PDE1B: variants seen among roughly 807,000 people sequenced by gnomAD.
PDE1B encodes dual specificity calcium/calmodulin-dependent 3',5'-cyclic nucleotide phosphodiesterase 1B.
PDE1B carries 13 observed loss-of-function variants against 66.7 expected under a neutral mutation model. The observed-to-expected ratio is 0.19, with a 90% CI of 0.13 to 0.31. The LOEUF (loss-of-function observed/expected upper bound fraction) is 0.31. Among genes scored for constraint, PDE1B ranks in the 10% least tolerant of loss-of-function variants. The pLI, the probability that PDE1B is intolerant of heterozygous loss-of-function variation, is 1.00. For synonymous variants in PDE1B, 230 were observed against 253.9 expected (o/e 0.91, Z 0.90); for missense variants, 485 against 682.3 (o/e 0.71, Z 3.22).
At chr12:54,564,036 T>C (rs186763446) in intron 2 of PDE1B, among the ~76,000 whole-genome samples, 9 of 152,146 alleles carry the variant, frequency 5.9e-5, no homozygotes, top group African/African-American at 2.2e-4. Context: ...CCAAACATGA[T>C]CCAGACACCA....
At position 54,573,056 on chromosome 12, in the gene PDE1B, ATGGGATGAGTGATCTAGCCTGTG is replaced by A; in HGVS notation, c.736-89_736-67del. ...GAGCTGGCCTGGAAGCATGGAAGGG[ATGGGATGAGTGATCTAGCCTGTG>A]TGTGGAGGTTCCTGGGAAGTGACCA... On this transcript the variant is annotated intron_variant, in intron 7 of 15. Coordinates refer to ENST00000243052, the MANE Select transcript of PDE1B (RefSeq NM_000924.4). This position sits in a 1 kb window ranked among gnomAD's most constrained non-coding sequence, Gnocchi z 5.2. The A allele has an allele frequency of 2.1e-6, 2 of 939,372 alleles. No individual in the cohort carries two copies. The highest frequency in any genetic ancestry group is 3.5e-5 in the Admixed American group (2 of 56,382). The allele number at this position is 939,372 out of a possible 1,614,324, so 58.2% of individuals were successfully genotyped here. A position where few individuals can be genotyped will look rare whatever the true frequency, so the allele number is the denominator to read the frequency against.
At position 54,575,800 on chromosome 12, in the gene PDE1B, G is replaced by A; in HGVS notation, c.1267+168G>A. 1.4e-6 allele frequency: 1 copy of A among 710,232 alleles called. No individual in the cohort carries two copies. Among genetic ancestry groups the A allele is most frequent in the Non-Finnish European group, 2.5e-6 (1 of 402,356 alleles). 44.0% of individuals were successfully genotyped at this position (710,232 alleles called of 1,614,324 possible). On this transcript the variant is annotated intron_variant, in intron 12 of 15. Transcript: ENST00000243052. The surrounding 1 kb of genome is among the most constrained non-coding windows in gnomAD (Gnocchi z 4.0). The stretch of plus-strand genomic sequence containing the variant: ...GTTAGGAGGCCAGGGGGCTGCAATG[G>A]CAGGAAGGAGCTCTCTGGGGCACCA...
chr12:54,567,341 A>C (rs1443784618), intron 3 of PDE1B, among the ~76,000 whole-genome samples: 2 of 118,100 alleles, frequency 1.7e-5, no homozygotes, highest in Non-Finnish European at 3.4e-5. Flanking sequence ...CTGTCTCTAC[A>C]AAAAAAAAAA....
chr12:54,574,965 A>T, intron 10 of PDE1B, 133 bp from the exon 11 acceptor site: 1 of 697,212 alleles, frequency 1.4e-6, no homozygotes, highest in Non-Finnish European at 2.3e-6. Flanking sequence ...ACAGAGTGAG[A>T]CCCTGTCTCA....
In PDE1B at chr12:54,561,567, C is replaced by G. The variant is rs1218363078; in HGVS notation, c.114-5407C>G. 22 of 1,516,544 alleles carry G rather than the reference C, an allele frequency of 1.5e-5. No homozygotes were observed. In the South Asian group the frequency reaches 2.6e-4, roughly 18 times the overall value. 93.9% of individuals were successfully genotyped at this position (1,516,544 alleles called of 1,614,324 possible). On this transcript the variant is annotated intron_variant, in intron 2 of 15. Transcript: ENST00000243052. ...GGGTCAGGATTTTGATACTCTGAAG[C>G]AGGAAACTTTGATTCCCATGGCAAA...
Position 54,569,324 on chromosome 12 carries a change from G to A in PDE1B, c.368G>A (p.Arg123Gln). 1 of 1,613,596 alleles carries A rather than the reference G, an allele frequency of 6.2e-7. No homozygotes were observed. Among genetic ancestry groups the A allele is most frequent in the Non-Finnish European group, 8.5e-7 (1 of 1,179,740 alleles). Residue 123 changes from arginine (R) to glutamine (Q), a missense_variant, in exon 4 of 16, where the codon CGA (arginine) becomes CAA (glutamine). By Grantham distance (43) the Arg-to-Gln change is conservative. Transcript: ENST00000243052. The surrounding 1 kb of genome is among the most constrained non-coding windows in gnomAD (Gnocchi z 4.4). The stretch of plus-strand genomic sequence containing the variant: ...CGAGCAGAGGAGAAGCCCAAGTTCC[G>A]AAGCATTGTGCACGCTGTGCAGGCT... Reference protein sequence around the residue: ...GRRAEEKPKFRSIVHAVQAGI... With the variant: ...GRRAEEKPKFQSIVHAVQAGI...
Position 54,578,872 on chromosome 12 carries a change from A to C in PDE1B, c.*1030A>C, listed in dbSNP as rs533062548. ...ACTAAGAAGCTCCTCCCCTGAGACAAGTGAGGGGTAGTCGGTGAAAGGCAG... is the reference window on the plus strand; with the variant it reads ...ACTAAGAAGCTCCTCCCCTGAGACACGTGAGGGGTAGTCGGTGAAAGGCAG... On this transcript the variant is annotated 3_prime_UTR_variant, in exon 16 of 16. Coordinates refer to ENST00000243052, the MANE Select transcript of PDE1B (RefSeq NM_000924.4). 1 of 152,590 alleles carries C rather than the reference A, an allele frequency of 6.6e-6. No individual in the cohort carries two copies. Among genetic ancestry groups the C allele is most frequent in the Non-Finnish European group, 1.5e-5 (1 of 68,354 alleles). The allele number at this position is 152,590 out of a possible 1,614,324, so 9.5% of individuals were successfully genotyped here. A position where few individuals can be genotyped will look rare whatever the true frequency, so the allele number is the denominator to read the frequency against.
intron 6 of PDE1B, chr12:54,571,509 G>A (rs1289092516): frequency 6.6e-6 from 1 of 152,214 alleles, no homozygotes; most frequent in African/African-American, 2.4e-5. Flanking sequence ...TGGGTCTGGG[G>A]GACCTCAAGA....
intron 7 of PDE1B, 57 bp downstream of exon 7, chr12:54,572,798 G>A: frequency 6.4e-7 from 1 of 1,560,630 alleles, no homozygotes; most frequent in African/African-American, 1.4e-5. Context: ...ACAGAACTGG[G>A]AGGTCTAGAC....
At position 54,573,199 on chromosome 12, in the gene PDE1B, C is replaced by A; in HGVS notation, c.787C>A (p.His263Asn). The part of the protein sequence containing the change: ...LLAIIFAAAI[H>N]DYEHTGTTNS... ...GGCCATCATCTTTGCTGCAGCTATCCATGATTATGAGCACACGGGCACTAC... is the reference window on the plus strand; with the variant it reads ...GGCCATCATCTTTGCTGCAGCTATCAATGATTATGAGCACACGGGCACTAC... The change falls in exon 8 of 16, where the codon CAT becomes AAT. Residue 263 changes from histidine (H) to asparagine (N), a missense_variant. By Grantham distance (68) the His-to-Asn change is moderately conservative (BLOSUM62 1). Transcript: ENST00000243052. The surrounding 1 kb of genome is among the most constrained non-coding windows in gnomAD (Gnocchi z 5.2). The A allele has an allele frequency of 6.2e-7, 1 of 1,614,042 alleles. No individual in the cohort carries two copies. The highest frequency in any genetic ancestry group is 1.1e-5 in the South Asian group (1 of 91,064).
intron 2 of PDE1B, among the ~76,000 whole-genome samples, chr12:54,560,780 C>T (rs1957397069): frequency 6.6e-6 from 1 of 152,188 alleles, no homozygotes; most frequent in African/African-American, 2.4e-5. Context: ...AGCCGATTGA[C>T]CTCTCTCTGG....
chr12:54,558,689 C>T (rs967940070), intron 2 of PDE1B, among the ~76,000 whole-genome samples: 9 of 152,218 alleles, frequency 5.9e-5, no homozygotes, highest in African/African-American at 1.2e-4. Flanking sequence ...AAGCCCTAAA[C>T]GTCCAGAGTG....
At chr12:54,559,514 A>G (rs1360533558) in intron 2 of PDE1B, among the ~76,000 whole-genome samples, 1 of 151,960 alleles carries the variant, frequency 6.6e-6, no homozygotes, top group African/African-American at 2.4e-5. Flanking sequence ...GTAAGTGTCT[A>G]TGTGTGAAAT....
rs144065736 is a variant in PDE1B, at chr12:54,574,966, C to T, written c.1065-132C>T. The stretch of plus-strand genomic sequence containing the variant: ...CTCCAGCCCGGGCAACAGAGTGAGA[C>T]CCTGTCTCAAAAAAAAAAAAAAAAA... On this transcript the variant is annotated intron_variant, in intron 10 of 15. Transcript: ENST00000243052. 2.0e-4 allele frequency: 142 copies of T among 722,868 alleles called. No homozygotes were observed. The African/African-American group carries it at 2.5e-3, about 13-fold the overall frequency. The allele number at this position is 722,868 out of a possible 1,614,324, so 44.8% of individuals were successfully genotyped here.
At position 54,573,340 on chromosome 12, in the gene PDE1B, C is replaced by T; in HGVS notation, c.837-15C>T. ...TCCTTACAGGGGGTGGTCATGATGACCTTTGGCTTTGTAGGTCAGAATGTG... is the reference window on the plus strand; with the variant it reads ...TCCTTACAGGGGGTGGTCATGATGATCTTTGGCTTTGTAGGTCAGAATGTG... On this transcript the variant is annotated splice_polypyrimidine_tract_variant and intron_variant, in intron 8 of 15. Coordinates refer to ENST00000243052, the MANE Select transcript of PDE1B (RefSeq NM_000924.4). The surrounding 1 kb of genome is among the most constrained non-coding windows in gnomAD (Gnocchi z 5.2). The T allele has an allele frequency of 1.2e-6, 2 of 1,614,074 alleles. No individual in the cohort carries two copies. The highest frequency in any genetic ancestry group is 1.7e-6 in the Non-Finnish European group (2 of 1,179,982).
chr12:54,550,753 T>A (rs1957265685), intron 2 of PDE1B, among the ~76,000 whole-genome samples: 1 of 152,180 alleles, frequency 6.6e-6, no homozygotes, highest in Non-Finnish European at 1.5e-5. Flanking sequence ...CATTTGGGCA[T>A]CTTTTCCTAT....
At chr12:54,562,083 T>A (rs934241667) in intron 2 of PDE1B, among the ~76,000 whole-genome samples, 2 of 152,134 alleles carry the variant, frequency 1.3e-5, no homozygotes, top group Non-Finnish European at 2.9e-5. Context: ...CTCAAAATCT[T>A]CACATCACTG....
In PDE1B at chr12:54,573,526, A is replaced by T. The variant is rs12811907; in HGVS notation, c.962+46A>T. ...GGCATCCCTAAGAGACTCCCTTACC[A>T]CAAACTCCATTTTCCACTTCCTGGA... On this transcript the variant is annotated intron_variant, in intron 9 of 15. Coordinates refer to ENST00000243052, the MANE Select transcript of PDE1B (RefSeq NM_000924.4). The surrounding 1 kb of genome is among the most constrained non-coding windows in gnomAD (Gnocchi z 5.2). 2 of 1,613,404 alleles carry T rather than the reference A, an allele frequency of 1.2e-6. No homozygotes were observed. The highest frequency in any genetic ancestry group is 2.2e-5 in the South Asian group (2 of 91,054).
chr12:54,574,121 T>A, intron 10 of PDE1B: 1 of 213,198 alleles, frequency 4.7e-6, no homozygotes, highest in East Asian at 1.1e-4. Flanking sequence ...TAGTTCCTAG[T>A]CTCATAGGGC....
Sources: allele counts gnomAD v4.1 joint callset (sites outside exome capture counted in the v4.1 genomes callset), GRCh38; gene constraint gnomAD v4.1.1; non-coding constraint Gnocchi (gnomAD v3.1); transcripts MANE v1.5; gene names NCBI Gene and HGNC (gene_info 2026-07-23, HGNC 2026-07-21).